TIAM1: variants seen among roughly 807,000 people sequenced by gnomAD.
The protein encoded by TIAM1 is rho guanine nucleotide exchange factor TIAM1.
Under a neutral mutation model 163.5 loss-of-function variants are expected in TIAM1, and 65 were observed. The ratio of observed to expected loss-of-function variants is 0.40; its 90% CI spans 0.33 to 0.49. The LOEUF (loss-of-function observed/expected upper bound fraction) is 0.49, where lower values mean the gene tolerates loss of function less well. Ranked by LOEUF, TIAM1 falls within the 20% of genes least tolerant of loss-of-function variation. TIAM1 has a pLI of 0.77. For missense variants in TIAM1, 1,789 were observed against 2,044.7 expected, an observed-to-expected ratio of 0.87 and a Z score of 2.41; for synonymous variants, 833 against 810.1, an observed-to-expected ratio of 1.03 and a Z score of -0.48.
rs2081974451 is a variant in TIAM1 at position 31,120,805 on chromosome 21, T to G, written c.4339A>C (p.Arg1447=). ...SAPSKSLGRR[R]RRLARNRFTI... ...AACCTGTTTCGAGCCAGCCGCCGCC[T>G]CCTCCTCCCAAGAGACTTGCTTGGG... The change falls in exon 28 of 28, where the codon AGG becomes CGG. Residue 1447 remains arginine, a synonymous_variant. Coordinates refer to ENST00000541036, the MANE Select transcript of TIAM1 (RefSeq NM_001353694.2). The surrounding 1 kb of genome is among the most constrained non-coding windows in gnomAD (Gnocchi z 4.2). The G allele has an allele frequency of 1.9e-6, 3 of 1,613,150 alleles. No homozygotes were observed. Among genetic ancestry groups the G allele is most frequent in the Middle Eastern group, 1.6e-4 (1 of 6,080 alleles).
chr21:31,243,205 A>G (rs1410131942), intron 6 of TIAM1, among the ~76,000 whole-genome samples: 1 of 125,472 alleles, frequency 8.0e-6, no homozygotes, highest in Non-Finnish European at 1.6e-5. Context: ...AAAAAAAAAA[A>G]AAAAATATAT....
At chr21:31,170,605 G>C (rs1247792877) in intron 15 of TIAM1, among the ~76,000 whole-genome samples, 4 of 152,148 alleles carry the variant, frequency 2.6e-5, no homozygotes, top group East Asian at 1.9e-4. Context: ...ATCTAAAGCA[G>C]TGCACAACAG....
intron 7 of TIAM1, among the ~76,000 whole-genome samples, chr21:31,224,738 A>C (rs1387787037): frequency 6.6e-6 from 1 of 152,158 alleles, no homozygotes; most frequent in African/African-American, 2.4e-5. Flanking sequence ...AAAAAAATAC[A>C]ATGTCAGGTA....
At chr21:31,524,731 A>G (rs1044409584) in intron 1 of TIAM1, among the ~76,000 whole-genome samples, 7 of 152,180 alleles carry the variant, frequency 4.6e-5, no homozygotes, top group Non-Finnish European at 8.8e-5. Flanking sequence ...TTATCATGCA[A>G]TGCTCCTTTA....
intron 2 of TIAM1, among the ~76,000 whole-genome samples, chr21:31,369,800 C>A (rs771239814): frequency 1.9e-4 from 29 of 152,054 alleles, no homozygotes; most frequent in Non-Finnish European, 3.4e-4. Flanking sequence ...CCAGCCTGAT[C>A]AACATGGTGA....
chr21:31,198,691 T>TAA (rs2086014038), intron 12 of TIAM1, among the ~76,000 whole-genome samples: 1 of 152,238 alleles, frequency 6.6e-6, no homozygotes, highest in African/African-American at 2.4e-5. Flanking sequence ...TGGCAGTATA[T>TAA]AACTGTTTGT....
chr21:31,200,682 AT>A (rs1247060685), intron 12 of TIAM1, among the ~76,000 whole-genome samples: 1 of 148,952 alleles, frequency 6.7e-6, no homozygotes, highest in Admixed American at 6.8e-5. Context: ...TTCAAAAAAT[AT>A]TTTTGAGAAC....
At chr21:31,245,404 G>A in intron 6 of TIAM1, 84 bp downstream of exon 6, 1 of 986,244 alleles carries the variant, frequency 1.0e-6, no homozygotes, top group Non-Finnish European at 1.4e-6. Flanking sequence ...AAAAGCAGTG[G>A]AGGGAGACTG....
intron 2 of TIAM1, among the ~76,000 whole-genome samples, chr21:31,310,193 C>A (rs949369985): frequency 2.6e-5 from 4 of 152,210 alleles, no homozygotes; most frequent in Non-Finnish European, 5.9e-5. Context: ...GGAATGATGG[C>A]CACTTCCAGA....
chr21:31,237,730 C>G (rs889983533), intron 6 of TIAM1, among the ~76,000 whole-genome samples: 2 of 152,172 alleles, frequency 1.3e-5, no homozygotes, highest in African/African-American at 4.8e-5. Context: ...TGATTTTCTA[C>G]TCTATTGTCT....
intron 2 of TIAM1, among the ~76,000 whole-genome samples, chr21:31,280,308 A>C (rs2073492964): frequency 6.6e-6 from 1 of 152,180 alleles, no homozygotes. Flanking sequence ...ATTGGTGAGT[A>C]AGTCTCATGA....
At chr21:31,210,968 T>C (rs1174009197) in intron 10 of TIAM1, among the ~76,000 whole-genome samples, 1 of 150,146 alleles carries the variant, frequency 6.7e-6, no homozygotes, top group African/African-American at 2.5e-5. Flanking sequence ...TTCAAAAAGA[T>C]CATGTTTTAG....
intron 4 of TIAM1, among the ~76,000 whole-genome samples, chr21:31,263,840 G>C (rs537616153): frequency 3.3e-5 from 5 of 152,318 alleles, no homozygotes; most frequent in Admixed American, 1.3e-4. Context: ...CAGCCTTGCA[G>C]TGCCAATCTG....
At chr21:31,504,790 A>T (rs1166288239) in intron 1 of TIAM1, among the ~76,000 whole-genome samples, 1 of 152,050 alleles carries the variant, frequency 6.6e-6, no homozygotes, top group African/African-American at 2.4e-5. Flanking sequence ...TTTTTTCAGG[A>T]TCTCATGCTT....
chr21:31,511,640 C>T (rs561147723), intron 1 of TIAM1, among the ~76,000 whole-genome samples: 5 of 152,158 alleles, frequency 3.3e-5, no homozygotes, highest in African/African-American at 1.2e-4. Context: ...GTTATGTCAC[C>T]GACGTATGCT....
chr21:31,269,667 G>GTTTTTTT (rs1383457242), intron 3 of TIAM1, among the ~76,000 whole-genome samples: 10 of 130,586 alleles, frequency 7.7e-5, no homozygotes, highest in African/African-American at 2.8e-4. Context: ...CTTTAAGTTT[G>GTTTTTTT]TTTGTTTTTT....
intron 23 of TIAM1, among the ~76,000 whole-genome samples, chr21:31,132,448 G>A (rs2082448870): frequency 6.6e-6 from 1 of 152,152 alleles, no homozygotes; most frequent in Non-Finnish European, 1.5e-5. Context: ...GCTCTTCACA[G>A]CAGCTGAGCA....
chr21:31,368,480 C>T (rs1006469921), intron 2 of TIAM1, among the ~76,000 whole-genome samples: 1 of 152,120 alleles, frequency 6.6e-6, no homozygotes, highest in African/African-American at 2.4e-5. Flanking sequence ...CCAAAATATC[C>T]CAATCCAAAA....
intron 2 of TIAM1, among the ~76,000 whole-genome samples, chr21:31,282,575 T>C (rs920357959): frequency 1.3e-5 from 2 of 152,340 alleles, no homozygotes; most frequent in East Asian, 3.9e-4. Flanking sequence ...GCCACTGTTT[T>C]CACCAAGGGT....
Sources: gnomAD v4.1 joint callset for allele counts (sites outside exome capture counted in the v4.1 genomes callset) on GRCh38, gnomAD v4.1.1 for gene constraint, Gnocchi (gnomAD v3.1) non-coding constraint, MANE v1.5 for transcripts, NCBI Gene and HGNC (gene_info 2026-07-23, HGNC 2026-07-21) for gene names.